The following ADGB variants were observed in gnomAD, a reference collection of about 807,000 sequenced individuals.
ADGB encodes androglobin.
Under a neutral mutation model 210.5 loss-of-function variants are expected in ADGB, and 172 were observed. The ratio of observed to expected loss-of-function variants is 0.82; its 90% CI spans 0.72 to 0.93. ADGB has a LOEUF of 0.93. ADGB is among the 40% of genes least tolerant of loss of function. The pLI, the probability that ADGB is intolerant of heterozygous loss-of-function variation, is 0.00. For missense variants in ADGB, 2,025 were observed against 1,964.8 expected (o/e 1.03, Z -0.58); for synonymous variants, 658 against 662.7 (o/e 0.99, Z 0.11).
intron 2 of ADGB, among the ~76,000 whole-genome samples, chr6:146,638,075 G>A (rs1562261421): frequency 6.6e-6 from 1 of 152,116 alleles, no homozygotes; most frequent in East Asian, 1.9e-4. Flanking sequence ...ATGCAAGTTT[G>A]GTTCAACAGA....
At chr6:146,681,149 C>T (rs1776151957) in intron 9 of ADGB, among the ~76,000 whole-genome samples, 1 of 152,174 alleles carries the variant, frequency 6.6e-6, no homozygotes, top group Non-Finnish European at 1.5e-5. Context: ...GAATTGTAAT[C>T]CCCAGTGCTG....
At chr6:146,762,149 A>T (rs367775257) in intron 27 of ADGB, among the ~76,000 whole-genome samples, 2 of 150,518 alleles carry the variant, frequency 1.3e-5, no homozygotes, top group African/African-American at 4.9e-5. Flanking sequence ...GGGTGGACAT[A>T]TTTTTTTGGG....
intron 35 of ADGB, among the ~76,000 whole-genome samples, chr6:146,805,290 C>G (rs1778194989): frequency 6.6e-6 from 1 of 152,150 alleles, no homozygotes; most frequent in Admixed American, 6.5e-5. Context: ...AAGAAGGAAC[C>G]CACCTTGGTG....
chr6:146,601,930 A>G (rs1780561817), intron 1 of ADGB, among the ~76,000 whole-genome samples: 1 of 152,166 alleles, frequency 6.6e-6, no homozygotes, highest in Non-Finnish European at 1.5e-5. Flanking sequence ...TCGAAGCCCA[A>G]TTCTCCTTCT....
intron 6 of ADGB, among the ~76,000 whole-genome samples, chr6:146,665,833 C>T (rs1272373183): frequency 6.6e-6 from 1 of 151,988 alleles, no homozygotes; most frequent in Non-Finnish European, 1.5e-5. Context: ...TGAGGATTAG[C>T]TTACTACATT....
At chr6:146,690,617 A>G (rs1776290805) in intron 10 of ADGB, among the ~76,000 whole-genome samples, 1 of 152,178 alleles carries the variant, frequency 6.6e-6, no homozygotes, top group East Asian at 1.9e-4. Flanking sequence ...ATCATGTGTA[A>G]TCATGGGGAT....
chr6:146,790,787 T>C (rs2114653523), intron 33 of ADGB, among the ~76,000 whole-genome samples: 1 of 152,348 alleles, frequency 6.6e-6, no homozygotes, highest in African/African-American at 2.4e-5. Context: ...AAATGGCTTG[T>C]AATAATTCCC....
chr6:146,609,386 A>G (rs1780674514), intron 1 of ADGB, among the ~76,000 whole-genome samples: 1 of 152,122 alleles, frequency 6.6e-6, no homozygotes, highest in Non-Finnish European at 1.5e-5. Flanking sequence ...AGGGTTAACA[A>G]TGTGTGGATT....
chr6:146,707,967 C>T (rs747637958), intron 13 of ADGB, among the ~76,000 whole-genome samples: 71 of 151,750 alleles, frequency 4.7e-4, no homozygotes, highest in Non-Finnish European at 9.7e-4. Context: ...TAGTGGTTTG[C>T]TTTGATTTTA....
intron 35 of ADGB, among the ~76,000 whole-genome samples, chr6:146,805,594 T>TA (rs1412095301): frequency 6.6e-6 from 1 of 152,240 alleles, no homozygotes; most frequent in East Asian, 1.9e-4. Flanking sequence ...CTGATCTTTT[T>TA]ATCCACCTTT....
intron 35 of ADGB, among the ~76,000 whole-genome samples, chr6:146,808,871 G>GA (rs1562307518): frequency 1.3e-5 from 2 of 151,412 alleles, no homozygotes; most frequent in South Asian, 4.2e-4. Context: ...GGTCGTGGGG[G>GA]TGACAAAGTC....
intron 1 of ADGB, among the ~76,000 whole-genome samples, chr6:146,634,838 T>C (rs115242421): frequency 0.021 from 3,164 of 152,020 alleles, 100 homozygotes; most frequent in African/African-American, 0.072. Context: ...TTTCCAAATA[T>C]AGAAGCTTAG....
intron 1 of ADGB, among the ~76,000 whole-genome samples, chr6:146,610,843 G>T (rs539106062): frequency 4.8e-4 from 73 of 152,260 alleles, no homozygotes; most frequent in African/African-American, 1.7e-3. Flanking sequence ...GTGGTAAGTT[G>T]TCAGGGTCCA....
At chr6:146,704,489 T>C (rs914286761) in intron 13 of ADGB, among the ~76,000 whole-genome samples, 1 of 152,016 alleles carries the variant, frequency 6.6e-6, no homozygotes, top group Admixed American at 6.6e-5. Flanking sequence ...GAGTTAATTT[T>C]TGTATATGGT....
chr6:146,694,355 A>T (rs980222951), intron 12 of ADGB, among the ~76,000 whole-genome samples: 1 of 152,150 alleles, frequency 6.6e-6, no homozygotes, highest in Non-Finnish European at 1.5e-5. Flanking sequence ...CATGCATGGC[A>T]TCTTACCACT....
chr6:146,796,275 G>A (rs1054906335), intron 33 of ADGB, among the ~76,000 whole-genome samples: 1 of 152,062 alleles, frequency 6.6e-6, no homozygotes, highest in African/African-American at 2.4e-5. Flanking sequence ...ACTGCCAAAA[G>A]CAATCTACAA....
chr6:146,738,689 C>A (rs1777117126), intron 23 of ADGB, among the ~76,000 whole-genome samples: 1 of 152,042 alleles, frequency 6.6e-6, no homozygotes, highest in Non-Finnish European at 1.5e-5. Context: ...ACCTCGTGAT[C>A]CACCTGCCTC....
chr6:146,778,128 G>A (rs78512862), intron 29 of ADGB, among the ~76,000 whole-genome samples: 1,793 of 152,246 alleles, frequency 0.012, 30 homozygotes, highest in African/African-American at 0.041. Context: ...CACAAAGGGA[G>A]CTCTAAAATT....
At chr6:146,630,003 G>A (rs1173833784) in intron 1 of ADGB, among the ~76,000 whole-genome samples, 1 of 152,180 alleles carries the variant, frequency 6.6e-6, no homozygotes, top group Non-Finnish European at 1.5e-5. Flanking sequence ...TTGGGAGGCT[G>A]AGGCAGGTGG....
Sources: allele counts gnomAD v4.1 joint callset (sites outside exome capture counted in the v4.1 genomes callset), GRCh38; gene constraint gnomAD v4.1.1; transcripts MANE v1.5; gene names NCBI Gene and HGNC (gene_info 2026-07-23, HGNC 2026-07-21).